Variants in AGAP1 observed in about 807,000 individuals in gnomAD.
The protein encoded by AGAP1 is ArfGAP with GTPase domain, ankyrin repeat and PH domain 1.
A neutral mutation model predicts 105.3 loss-of-function variants in AGAP1; 29 were observed. That is an observed-to-expected ratio of 0.28 (90% CI 0.21 to 0.38). The LOEUF (loss-of-function observed/expected upper bound fraction) is 0.38. Among genes scored for constraint, AGAP1 ranks in the 10% least tolerant of loss-of-function variants. The probability of loss-of-function intolerance (pLI) is 1.00; values close to 1 mark genes in which losing one functional copy is unlikely to be tolerated. For missense variants in AGAP1, 998 were observed against 1,165.1 expected (o/e 0.86, Z 2.09); for synonymous variants, 509 against 485.9 (o/e 1.05, Z -0.63).
At chr2:235,540,609 G>A (rs754854459) in intron 1 of AGAP1, among the ~76,000 whole-genome samples, 8 of 152,204 alleles carry the variant, frequency 5.3e-5, no homozygotes, top group Non-Finnish European at 8.8e-5. Flanking sequence ...TCTTTGGAGG[G>A]GAATGCTGGA....
intron 1 of AGAP1, among the ~76,000 whole-genome samples, chr2:235,506,381 C>T (rs1280412990): frequency 6.6e-6 from 1 of 152,070 alleles, no homozygotes; most frequent in Non-Finnish European, 1.5e-5. Flanking sequence ...AGCCTAGGCA[C>T]AGTGGCAAGT....
At chr2:235,975,825 C>T (rs185963063) in intron 13 of AGAP1, among the ~76,000 whole-genome samples, 17 of 152,182 alleles carry the variant, frequency 1.1e-4, no homozygotes, top group African/African-American at 4.1e-4. Flanking sequence ...TGGCAGCTAC[C>T]CAGGAAAGGG....
At chr2:235,890,235 A>C (rs1327161200) in intron 10 of AGAP1, among the ~76,000 whole-genome samples, 7 of 146,190 alleles carry the variant, frequency 4.8e-5, no homozygotes, top group African/African-American at 1.8e-4. Flanking sequence ...ATCTCAGCTC[A>C]CTGCAACCTC....
At chr2:235,531,379 A>G (rs1257797800) in intron 1 of AGAP1, among the ~76,000 whole-genome samples, 1 of 151,968 alleles carries the variant, frequency 6.6e-6, no homozygotes, top group Non-Finnish European at 1.5e-5. Flanking sequence ...CCTCAACTGT[A>G]GTGTTGAATG....
At chr2:235,820,440 A>G (rs539414609) in intron 9 of AGAP1, among the ~76,000 whole-genome samples, 15 of 152,238 alleles carry the variant, frequency 9.9e-5, no homozygotes, top group Non-Finnish European at 1.9e-4. Flanking sequence ...TTTCTTGTAC[A>G]ACTTTTCTAC....
At chr2:235,506,322 T>C (rs1941808601) in intron 1 of AGAP1, among the ~76,000 whole-genome samples, 1 of 152,142 alleles carries the variant, frequency 6.6e-6, no homozygotes, top group Admixed American at 6.5e-5. Flanking sequence ...ATCTCAGCGC[T>C]TCGGGAGGCC....
rs1166608241 is a variant in AGAP1, at chr2:235,622,287, G to T, written c.164-86892G>T. On this transcript the variant is annotated intron_variant, in intron 1 of 17. Transcript: ENST00000304032. This position sits in a 1 kb window ranked among gnomAD's most constrained non-coding sequence, Gnocchi z 5.0. ...AGCCCTCCTGCTGGCTTTGTAGAAT[G>T]CTCACAGTGGAATAGACTGTCAGCA... Among the ~76,000 whole-genome samples the T allele has an allele frequency of 2.0e-5, 3 of 152,190 alleles. No homozygotes were observed. Among genetic ancestry groups the T allele is most frequent in the Non-Finnish European group, 4.4e-5 (3 of 68,036 alleles).
chr2:235,738,999 G>A (rs1018683214), intron 3 of AGAP1, among the ~76,000 whole-genome samples: 1 of 152,126 alleles, frequency 6.6e-6, no homozygotes, highest in Non-Finnish European at 1.5e-5. Flanking sequence ...TCGTAAGCAG[G>A]CTTATTCAAT....
intron 6 of AGAP1, chr2:235,774,266 C>T (rs936278941): frequency 1.8e-5 from 8 of 442,944 alleles, no homozygotes; most frequent in African/African-American, 1.4e-4. Context: ...ATTCCAGCCT[C>T]CCCTATCCAC....
chr2:236,072,952 A>G (rs1331443590), intron 16 of AGAP1, among the ~76,000 whole-genome samples: 2 of 152,064 alleles, frequency 1.3e-5, no homozygotes, highest in Non-Finnish European at 2.9e-5. Flanking sequence ...TAACATGTCA[A>G]TTCAGCATAG....
At chr2:235,687,987 C>T (rs957798143) in intron 1 of AGAP1, among the ~76,000 whole-genome samples, 3 of 147,516 alleles carry the variant, frequency 2.0e-5, no homozygotes, top group African/African-American at 5.0e-5. Context: ...CTGCAACCTC[C>T]GCCTCCTGGG....
In AGAP1 at chr2:235,867,789, G is replaced by A. The variant is rs2049254300; in HGVS notation, c.1051-15556G>A. Among the ~76,000 whole-genome samples, 1 of 152,162 alleles carries A rather than the reference G, an allele frequency of 6.6e-6. No homozygotes were observed. Among genetic ancestry groups the A allele is most frequent in the African/African-American group, 2.4e-5 (1 of 41,418 alleles). On this transcript the variant is annotated intron_variant, in intron 9 of 17. Transcript: ENST00000304032. This position sits in a 1 kb window ranked among gnomAD's most constrained non-coding sequence, Gnocchi z 5.4. ...CACCTGGATGTACCATTTTCCGCAT[G>A]GAGCTGGTGCCGTGGGGGAAGAATA...
chr2:235,881,594 A>G (rs2050026712), intron 9 of AGAP1, among the ~76,000 whole-genome samples: 2 of 152,242 alleles, frequency 1.3e-5, no homozygotes, highest in African/African-American at 4.8e-5. Context: ...GAACGCTGCC[A>G]TTGAAAGGGA....
At position 235,774,243 on chromosome 2, in the gene AGAP1, C is replaced by G; in HGVS notation, c.674-23516C>G. ...AACTAAAAATGCACATCTGGAAAAT[C>G]CGTAAGGCAGAAATTCCAGCCTCCC... On this transcript the variant is annotated intron_variant, in intron 6 of 17. Coordinates refer to ENST00000304032, the MANE Select transcript of AGAP1 (RefSeq NM_001037131.3). The G allele has an allele frequency of 9.5e-6, 4 of 420,842 alleles. No individual in the cohort carries two copies. The Middle Eastern group carries it at 2.5e-3, about 258-fold the overall frequency. The allele number at this position is 420,842 out of a possible 1,614,324, so 26.1% of individuals were successfully genotyped here.
At chr2:236,093,203 G>A (rs183639017) in intron 16 of AGAP1, among the ~76,000 whole-genome samples, 233 of 152,190 alleles carry the variant, frequency 1.5e-3, no homozygotes, top group African/African-American at 5.4e-3. Context: ...CACCCCTGGG[G>A]GAGAGGAACA....
rs1945699775 is a variant in AGAP1, at chr2:235,600,672, A to T, written c.163+105823A>T. The stretch of plus-strand genomic sequence containing the variant: ...AGGAAGCATCCAGCACAGGACAAAG[A>T]TACAGGCTGGGAGGCTAAGCCAGTC... On this transcript the variant is annotated intron_variant, in intron 1 of 17. Coordinates refer to ENST00000304032, the MANE Select transcript of AGAP1 (RefSeq NM_001037131.3). The surrounding 1 kb of genome is among the most constrained non-coding windows in gnomAD (Gnocchi z 4.8). Among the ~76,000 whole-genome samples, 1 of 152,164 alleles carries T rather than the reference A, an allele frequency of 6.6e-6. No individual in the cohort carries two copies. The highest frequency in any genetic ancestry group is 2.4e-5 in the African/African-American group (1 of 41,448).
rs146042834 is a variant in AGAP1, at chr2:236,048,617, A to G, written c.1892-442A>G. Reference sequence around the variant, plus strand: ...TGTGCCAGTGGCTGCAGAGGTAGCAATGAAGGAATGACCAGAGTCACGGTG... The same window carrying G: ...TGTGCCAGTGGCTGCAGAGGTAGCAGTGAAGGAATGACCAGAGTCACGGTG... On this transcript the variant is annotated intron_variant, in intron 15 of 17. Coordinates refer to ENST00000304032, the MANE Select transcript of AGAP1 (RefSeq NM_001037131.3). Among the ~76,000 whole-genome samples, 461 of 152,300 alleles carry G rather than the reference A, an allele frequency of 3.0e-3. 3 individuals are homozygous for G. The highest frequency in any genetic ancestry group is 0.011 in the African/African-American group (439 of 41,564).
chr2:235,698,054 G>A (rs1168666634), intron 1 of AGAP1, among the ~76,000 whole-genome samples: 4 of 152,136 alleles, frequency 2.6e-5, no homozygotes, highest in African/African-American at 4.8e-5. Flanking sequence ...CCCAGGGGTC[G>A]AGGGAGGGGG....
In AGAP1 at chr2:235,664,369, G is replaced by A. The variant is rs369576612; in HGVS notation, c.164-44810G>A. The stretch of plus-strand genomic sequence containing the variant: ...TGGGATTACAGGTGCACACCACCAC[G>A]CCCAGCTAATTTTTTTTGTATTTTT... On this transcript the variant is annotated intron_variant, in intron 1 of 17. Coordinates refer to ENST00000304032, the MANE Select transcript of AGAP1 (RefSeq NM_001037131.3). The surrounding 1 kb of genome is among the most constrained non-coding windows in gnomAD (Gnocchi z 5.7). Among the ~76,000 whole-genome samples the A allele has an allele frequency of 6.6e-6, 1 of 151,836 alleles. No individual in the cohort carries two copies.
Sources: gnomAD v4.1 joint callset for allele counts (sites outside exome capture counted in the v4.1 genomes callset) on GRCh38, gnomAD v4.1.1 for gene constraint, Gnocchi (gnomAD v3.1) non-coding constraint, MANE v1.5 for transcripts, NCBI Gene and HGNC (gene_info 2026-07-23, HGNC 2026-07-21) for gene names.